Variants in TEX10 observed in about 807,000 individuals in gnomAD.
TEX10 encodes testis expressed 10.
A neutral mutation model predicts 104.4 loss-of-function variants in TEX10; 24 were observed. The observed-to-expected ratio is 0.23, with a 90% CI of 0.17 to 0.32. TEX10 has a LOEUF of 0.32. Ranked by LOEUF, TEX10 falls within the 10% of genes least tolerant of loss-of-function variation. The pLI is 1.00. For synonymous variants in TEX10, 396 were observed against 393.4 expected (o/e 1.01, Z -0.08); for missense variants, 921 against 1,083.9 (o/e 0.85, Z 2.11).
At chr9:100,323,474 C>G (rs569030326) in intron 9 of TEX10, among the ~76,000 whole-genome samples, 2 of 152,026 alleles carry the variant, frequency 1.3e-5, no homozygotes, top group Non-Finnish European at 2.9e-5. Context: ...TTCTGTTTCC[C>G]CAATCTGGCT....
chr9:100,332,061 T>C (rs1465079799), intron 5 of TEX10, among the ~76,000 whole-genome samples: 1 of 152,172 alleles, frequency 6.6e-6, no homozygotes, highest in African/African-American at 2.4e-5. Flanking sequence ...GAGCCTAAAG[T>C]ATCATAATCA....
At chr9:100,350,913 G>A (rs951587942) in intron 1 of TEX10, among the ~76,000 whole-genome samples, 2 of 152,082 alleles carry the variant, frequency 1.3e-5, no homozygotes, top group Non-Finnish European at 2.9e-5. Flanking sequence ...AAACTCTGAC[G>A]CCTTCCAGCT....
intron 12 of TEX10, 89 bp downstream of exon 12, chr9:100,310,210 G>T: frequency 9.7e-7 from 1 of 1,030,798 alleles, no homozygotes; most frequent in Non-Finnish European, 1.5e-6. Flanking sequence ...TAGAATTCCA[G>T]ACATGCTCTT....
At chr9:100,344,892 A>G (rs145558687) in intron 4 of TEX10, among the ~76,000 whole-genome samples, 1 of 152,290 alleles carries the variant, frequency 6.6e-6, no homozygotes, top group East Asian at 1.9e-4. Context: ...GTCCATGTTG[A>G]ATATTACTTT....
intron 1 of TEX10, among the ~76,000 whole-genome samples, chr9:100,350,774 C>T (rs894579612): frequency 2.6e-5 from 4 of 152,152 alleles, no homozygotes; most frequent in African/African-American, 9.7e-5. Context: ...TCAAGGAATT[C>T]AGAAGCCAAT....
In TEX10 at chr9:100,302,245, G is replaced by A. The variant is rs373037476; in HGVS notation, c.2736C>T (p.Asn912=). 2.0e-5 allele frequency: 32 copies of A among 1,613,538 alleles called. No individual in the cohort carries two copies. The highest frequency in any genetic ancestry group is 3.3e-4 in the Middle Eastern group (2 of 6,084). The change falls in exon 15 of 15, where the codon AAC becomes AAT. Residue 912 remains asparagine, a synonymous_variant. Transcript: ENST00000374902. Reference sequence around the variant, plus strand: ...CTTGGGGATGCCCAGTGATATACACGTTGAAGCAGTAATGTAAGTCTGTGA... The same window carrying A: ...CTTGGGGATGCCCAGTGATATACACATTGAAGCAGTAATGTAAGTCTGTGA... The part of the protein sequence containing the change: ...QWLTDLHYCF[N]VYITGHPQGP...
chr9:100,340,968 A>G (rs568089986), intron 4 of TEX10, among the ~76,000 whole-genome samples: 1 of 151,774 alleles, frequency 6.6e-6, no homozygotes, highest in East Asian at 1.9e-4. Flanking sequence ...CTACAGCTCA[A>G]TTTGGTTTTT....
intron 9 of TEX10, among the ~76,000 whole-genome samples, chr9:100,323,263 G>A (rs1834617370): frequency 6.6e-6 from 1 of 152,136 alleles, no homozygotes; most frequent in African/African-American, 2.4e-5. Flanking sequence ...TACTTTCCAA[G>A]CCTGAACACT....
chr9:100,351,639 G>C (rs757230051), intron 1 of TEX10, among the ~76,000 whole-genome samples: 1 of 152,114 alleles, frequency 6.6e-6, no homozygotes, highest in African/African-American at 2.4e-5. Context: ...CCACCTGATA[G>C]ATCTTCAACA....
At chr9:100,304,103 AC>A (rs1397617970) in intron 13 of TEX10, 3 of 518,226 alleles carry the variant, frequency 5.8e-6, no homozygotes, top group African/African-American at 5.7e-5. Context: ...CACAGATGAC[AC>A]AGATAAATGG....
chr9:100,314,089 CTTTTT>C (rs58128151), intron 11 of TEX10, among the ~76,000 whole-genome samples: 2 of 121,248 alleles, frequency 1.6e-5, no homozygotes, highest in Admixed American at 8.4e-5. Context: ...GGAGATTTTT[CTTTTT>C]TTTTTTTTTT....
chr9:100,326,890 T>C (rs1834718759), intron 8 of TEX10, among the ~76,000 whole-genome samples: 1 of 152,018 alleles, frequency 6.6e-6, no homozygotes, highest in African/African-American at 2.4e-5. Context: ...TATTGAAAAA[T>C]ACATATTTAA....
chr9:100,313,017 A>G (rs373761101), intron 11 of TEX10, among the ~76,000 whole-genome samples: 2 of 152,214 alleles, frequency 1.3e-5, no homozygotes, highest in Non-Finnish European at 2.9e-5. Flanking sequence ...TATCAAGTAA[A>G]TAAATTCATT....
At chr9:100,329,841 A>T in intron 6 of TEX10, 90 bp downstream of exon 6, 1 of 1,091,304 alleles carries the variant, frequency 9.2e-7, no homozygotes. Context: ...ACTACATGGA[A>T]TGTTTACAAG....
chr9:100,345,934 A>C, intron 4 of TEX10, 138 bp downstream of exon 4: 1 of 862,038 alleles, frequency 1.2e-6, no homozygotes, highest in Non-Finnish European at 1.7e-6. Flanking sequence ...TGTGCAAAAC[A>C]AACAAGTTTA....
intron 11 of TEX10, among the ~76,000 whole-genome samples, chr9:100,313,361 A>G (rs1428122265): frequency 1.3e-5 from 2 of 151,828 alleles, no homozygotes; most frequent in Non-Finnish European, 2.9e-5. Flanking sequence ...CTAAATATAC[A>G]AAAATTAGCC....
In TEX10 at chr9:100,352,913, C is replaced by G; in HGVS notation, c.-151G>C. 1.0e-6 allele frequency: 1 copy of G among 990,072 alleles called. No individual in the cohort carries two copies. The highest frequency in any genetic ancestry group is 1.2e-6 in the Non-Finnish European group (1 of 833,468). The allele number at this position is 990,072 out of a possible 1,614,324, so 61.3% of individuals were successfully genotyped here. The stretch of plus-strand genomic sequence containing the variant: ...TCAAATAGCCTCGTCCTCACGCGGC[C>G]GCGTCTCCTTCCGCCGCCCGGAAAT... On this transcript the variant is annotated 5_prime_UTR_variant, in exon 1 of 15. Transcript: ENST00000374902.
At chr9:100,331,338 A>G (rs1259958517) in intron 5 of TEX10, among the ~76,000 whole-genome samples, 1 of 152,152 alleles carries the variant, frequency 6.6e-6, no homozygotes, top group East Asian at 1.9e-4. Flanking sequence ...TCAGGAGGCC[A>G]AGGCAGGGGC....
At position 100,302,093 on chromosome 9, in the gene TEX10, A is replaced by G. The variant is rs1477674201; in HGVS notation, c.*98T>C. 1.4e-6 allele frequency: 1 copy of G among 701,784 alleles called. No homozygotes were observed. The highest frequency in any genetic ancestry group is 2.6e-5 in the East Asian group (1 of 37,758). 43.5% of individuals were successfully genotyped at this position (701,784 alleles called of 1,614,324 possible). ...AAGAAGGTTCGTAAACTTCTTTAAA[A>G]GTTCAGCTTTAATGACAAAGATCTA... On this transcript the variant is annotated 3_prime_UTR_variant, in exon 15 of 15. Transcript: ENST00000374902.
Sources: gnomAD v4.1 joint callset for allele counts (sites outside exome capture counted in the v4.1 genomes callset) on GRCh38, gnomAD v4.1.1 for gene constraint, MANE v1.5 for transcripts, NCBI Gene and HGNC (gene_info 2026-07-23, HGNC 2026-07-21) for gene names.